MTMR3: variants seen among roughly 807,000 people sequenced by gnomAD.
The protein encoded by MTMR3 is phosphatidylinositol-3,5-bisphosphate 3-phosphatase MTMR3.
MTMR3 carries 32 observed loss-of-function variants against 132.4 expected under a neutral mutation model. That is an observed-to-expected ratio of 0.24 (90% CI 0.18 to 0.32). The LOEUF is 0.32. Ranked by LOEUF, MTMR3 falls within the 10% of genes least tolerant of loss-of-function variation. The pLI, the probability that MTMR3 is intolerant of heterozygous loss-of-function variation, is 1.00. For missense variants in MTMR3, 1,216 were observed against 1,489.6 expected, an observed-to-expected ratio of 0.82 and a Z score of 3.02; for synonymous variants, 556 against 550.3, an observed-to-expected ratio of 1.01 and a Z score of -0.14.
intron 16 of MTMR3, 157 bp downstream of exon 16, chr22:30,018,229 G>C (rs1182220924): frequency 1.3e-6 from 1 of 789,168 alleles, no homozygotes; most frequent in Non-Finnish European, 1.8e-6. Context: ...AGGGATTTCT[G>C]AGCTACGAGG....
At chr22:29,979,279 T>G (rs2066691830) in intron 5 of MTMR3, 1 of 347,792 alleles carries the variant, frequency 2.9e-6, no homozygotes, top group Non-Finnish European at 5.5e-6. Context: ...GATCACGAGG[T>G]CAGGAGATCG....
intron 1 of MTMR3, among the ~76,000 whole-genome samples, chr22:29,908,994 T>C (rs951193527): frequency 6.6e-5 from 10 of 151,080 alleles, no homozygotes; most frequent in Non-Finnish European, 1.3e-4. Context: ...TTTTTTTTTT[T>C]TGAGACAAAT....
At chr22:29,988,730 T>C (rs1281171060) in intron 6 of MTMR3, 168 bp downstream of exon 6, 8 of 403,924 alleles carry the variant, frequency 2.0e-5, no homozygotes, top group Non-Finnish European at 3.0e-5. Context: ...ATGTATACTT[T>C]GCTATGTTGA....
intron 1 of MTMR3, among the ~76,000 whole-genome samples, chr22:29,902,004 T>C (rs2145727617): frequency 1.3e-5 from 2 of 152,342 alleles, no homozygotes; most frequent in South Asian, 4.1e-4. Context: ...AAAAGTGCCA[T>C]AAAAGCATTG....
chr22:29,888,053 G>C (rs2064713252), intron 1 of MTMR3, among the ~76,000 whole-genome samples: 1 of 151,332 alleles, frequency 6.6e-6, no homozygotes, highest in Middle Eastern at 3.4e-3. Flanking sequence ...ATCTTGCTCT[G>C]TTTGCCCAGG....
chr22:29,964,452 T>C (rs148576878), intron 2 of MTMR3, among the ~76,000 whole-genome samples: 70 of 152,368 alleles, frequency 4.6e-4, no homozygotes, highest in Admixed American at 2.9e-3. Context: ...TCCTGTGATC[T>C]TGGCTTTTTC....
intron 9 of MTMR3, chr22:30,005,093 A>G (rs1034714475): frequency 6.6e-6 from 1 of 152,222 alleles, no homozygotes; most frequent in East Asian, 1.9e-4. Flanking sequence ...ACTCCTAGTT[A>G]CTTAAGGGAG....
At chr22:29,895,842 T>C (rs1341267148) in intron 1 of MTMR3, among the ~76,000 whole-genome samples, 1 of 152,210 alleles carries the variant, frequency 6.6e-6, no homozygotes, top group African/African-American at 2.4e-5. Flanking sequence ...GTCTTCTCGG[T>C]CCAGCCACTT....
At chr22:29,894,331 A>G (rs1159754187) in intron 1 of MTMR3, among the ~76,000 whole-genome samples, 1 of 152,178 alleles carries the variant, frequency 6.6e-6, no homozygotes, top group East Asian at 1.9e-4. Flanking sequence ...GAACTCCACT[A>G]TGACTAAAGA....
At chr22:29,969,886 A>G (rs1220420475) in intron 2 of MTMR3, among the ~76,000 whole-genome samples, 1 of 152,164 alleles carries the variant, frequency 6.6e-6, no homozygotes, top group Non-Finnish European at 1.5e-5. Flanking sequence ...AAATGCCTCA[A>G]CACAATCTGG....
In MTMR3 at chr22:30,020,687, C is replaced by T. The variant is rs368288671; in HGVS notation, c.3028C>T (p.Pro1010Ser). 2 of 1,614,118 alleles carry T rather than the reference C, an allele frequency of 1.2e-6. No homozygotes were observed. Among genetic ancestry groups the T allele is most frequent in the Non-Finnish European group, 1.7e-6 (2 of 1,180,062 alleles). Residue 1010 changes from proline to serine, a missense_variant, in exon 17 of 20, where the codon CCT becomes TCT. Transcript: ENST00000401950. Reference protein sequence around the residue: ...RPSATSSPDQPSRSHLDDDGM... With the variant: ...RPSATSSPDQSSRSHLDDDGM... ...ATCTGCAACCAGCAGCCCCGACCAG[C>T]CTTCCCGCAGCCACCTGGACGATGA...
chr22:30,024,071 G>C (rs2067840666), intron 19 of MTMR3: 1 of 152,730 alleles, frequency 6.5e-6, no homozygotes, highest in Admixed American at 6.5e-5. Context: ...GAGGATGGCA[G>C]ATCACCTGAG....
chr22:29,909,035 T>A (rs2065156607), intron 1 of MTMR3, among the ~76,000 whole-genome samples: 1 of 151,034 alleles, frequency 6.6e-6, no homozygotes, highest in Non-Finnish European at 1.5e-5. Flanking sequence ...TGGAGTGCAG[T>A]GGCACAGTCT....
At chr22:29,963,613 C>T (rs1302850001) in intron 2 of MTMR3, among the ~76,000 whole-genome samples, 1 of 151,892 alleles carries the variant, frequency 6.6e-6, no homozygotes, top group Non-Finnish European at 1.5e-5. Flanking sequence ...GTCTCGATCT[C>T]TTGACCTTGT....
chr22:29,930,171 C>A (rs943234257), intron 1 of MTMR3, among the ~76,000 whole-genome samples: 2 of 152,184 alleles, frequency 1.3e-5, no homozygotes, highest in African/African-American at 2.4e-5. Flanking sequence ...AAATTCACTT[C>A]GTATATTTTG....
intron 8 of MTMR3, chr22:29,999,567 C>T (rs2067126680): frequency 6.6e-6 from 1 of 152,148 alleles, no homozygotes; most frequent in Admixed American, 6.5e-5. Flanking sequence ...GTAGAATTTT[C>T]CACTTGTGGC....
intron 1 of MTMR3, among the ~76,000 whole-genome samples, chr22:29,922,914 G>C (rs1602480922): frequency 6.7e-6 from 1 of 148,990 alleles, no homozygotes; most frequent in African/African-American, 2.5e-5. Context: ...TTTGAGACTG[G>C]GTCTCACTCT....
intron 1 of MTMR3, among the ~76,000 whole-genome samples, 191 bp from the exon 2 acceptor site, chr22:29,956,845 G>C (rs886729716): frequency 6.6e-6 from 1 of 152,092 alleles, no homozygotes; most frequent in African/African-American, 2.4e-5. Flanking sequence ...AGGCTTGACT[G>C]GGTCTGTTCT....
chr22:30,029,707 A>C lies in MTMR3; in HGVS notation c.*3906A>C, dbSNP rs937848229. The stretch of plus-strand genomic sequence containing the variant: ...CTGCCAGTTCAAGTGACCTGTCCCC[A>C]GGGCTGCAGCTGTATCCACCTGATT... On this transcript the variant is annotated 3_prime_UTR_variant, in exon 20 of 20. Coordinates refer to ENST00000401950, the MANE Select transcript of MTMR3 (RefSeq NM_021090.4). 2.0e-4 allele frequency: 31 copies of C among 152,384 alleles called. No homozygotes were observed. Among genetic ancestry groups the C allele is most frequent in the Admixed American group, 2.0e-3 (31 of 15,282 alleles). The allele number at this position is 152,384 out of a possible 1,614,324, so 9.4% of individuals were successfully genotyped here.
Sources: allele counts gnomAD v4.1 joint callset (sites outside exome capture counted in the v4.1 genomes callset), GRCh38; gene constraint gnomAD v4.1.1; transcripts MANE v1.5; gene names NCBI Gene and HGNC (gene_info 2026-07-23, HGNC 2026-07-21).